GPR137C: variants seen among roughly 807,000 people sequenced by gnomAD.
GPR137C encodes integral membrane protein GPR137C.
A neutral mutation model predicts 43.4 loss-of-function variants in GPR137C; 27 were observed. That is an observed-to-expected ratio of 0.62 (90% CI 0.46 to 0.86). The LOEUF is 0.86. Among genes scored for constraint, GPR137C ranks in the 40% least tolerant of loss-of-function variants. The pLI, the probability that GPR137C is intolerant of heterozygous loss-of-function variation, is 0.00. For synonymous variants in GPR137C, 285 were observed against 226.9 expected, an observed-to-expected ratio of 1.26 and a Z score of -2.30; for missense variants, 522 against 534.6, an observed-to-expected ratio of 0.98 and a Z score of 0.23.
chr14:52,554,149 AG>A (rs2038152217), intron 1 of GPR137C, among the ~76,000 whole-genome samples: 2 of 152,208 alleles, frequency 1.3e-5, no homozygotes, highest in African/African-American at 4.8e-5. Context: ...TTCGTTCGAT[AG>A]TTCCCCAGCA....
Position 52,637,628 on chromosome 14 carries a change from G to C in GPR137C, c.*2513G>C, listed in dbSNP as rs2039367909. 1 of 152,046 alleles carries C rather than the reference G, an allele frequency of 6.6e-6. No individual in the cohort carries two copies. Among genetic ancestry groups the C allele is most frequent in the Non-Finnish European group, 1.5e-5 (1 of 68,000 alleles). The allele number at this position is 152,046 out of a possible 1,614,324, so 9.4% of individuals were successfully genotyped here. ...GTTTCAAACTGGTTGTAAAAGTATAGCTGTGGCCAATGAATGTATTTATTT... is the reference window on the plus strand; with the variant it reads ...GTTTCAAACTGGTTGTAAAAGTATACCTGTGGCCAATGAATGTATTTATTT... On this transcript the variant is annotated 3_prime_UTR_variant, in exon 7 of 7. Coordinates refer to ENST00000321662, the MANE Select transcript of GPR137C (RefSeq NM_001099652.2).
At chr14:52,598,246 A>AT (rs10719030) in intron 1 of GPR137C, 26 bp from the exon 2 acceptor site, 3,348 of 975,828 alleles carry the variant, frequency 3.4e-3, no homozygotes, top group South Asian at 5.2e-3. Context: ...CGTTTTCAAA[A>AT]TTTTTTTTTT....
chr14:52,630,048 C>G (rs546526078), intron 3 of GPR137C, among the ~76,000 whole-genome samples: 1 of 152,266 alleles, frequency 6.6e-6, no homozygotes, highest in Non-Finnish European at 1.5e-5. Context: ...ATAACACTTT[C>G]TATGTCGCTG....
chr14:52,596,485 G>A (rs939207699), intron 1 of GPR137C, among the ~76,000 whole-genome samples: 2 of 152,230 alleles, frequency 1.3e-5, no homozygotes, highest in African/African-American at 4.8e-5. Flanking sequence ...TGCCCAGTTC[G>A]AGCTTCCTGG....
intron 1 of GPR137C, among the ~76,000 whole-genome samples, chr14:52,572,393 T>C (rs971517832): frequency 6.6e-6 from 1 of 152,218 alleles, no homozygotes; most frequent in Admixed American, 6.5e-5. Flanking sequence ...AAAAAGCTTA[T>C]CCACCACAAT....
intron 1 of GPR137C, among the ~76,000 whole-genome samples, chr14:52,593,447 A>C (rs1162999885): frequency 6.6e-6 from 1 of 152,118 alleles, no homozygotes; most frequent in Non-Finnish European, 1.5e-5. Context: ...TCGGCTGTGA[A>C]TCCATCTGGT....
intron 1 of GPR137C, among the ~76,000 whole-genome samples, chr14:52,566,041 A>G (rs2038364610): frequency 6.6e-6 from 1 of 152,214 alleles, no homozygotes; most frequent in Non-Finnish European, 1.5e-5. Context: ...CTTAGTACCT[A>G]GTTCTGTGAT....
At chr14:52,577,704 T>C (rs887504978) in intron 1 of GPR137C, among the ~76,000 whole-genome samples, 2 of 151,008 alleles carry the variant, frequency 1.3e-5, no homozygotes, top group Admixed American at 1.3e-4. Flanking sequence ...GGCTCAAGCA[T>C]GTAATCCCAG....
intron 3 of GPR137C, among the ~76,000 whole-genome samples, chr14:52,630,589 A>T (rs1034581716): frequency 6.6e-6 from 1 of 152,152 alleles, no homozygotes; most frequent in African/African-American, 2.4e-5. Context: ...GTGCTCTGTT[A>T]CTATCCCAGC....
At chr14:52,590,485 T>C (rs531176688) in intron 1 of GPR137C, among the ~76,000 whole-genome samples, 1 of 152,302 alleles carries the variant, frequency 6.6e-6, no homozygotes, top group East Asian at 1.9e-4. Context: ...TACAGTAATG[T>C]CCTAGGCCTA....
intron 1 of GPR137C, among the ~76,000 whole-genome samples, chr14:52,574,115 TTGG>T (rs1268409147): frequency 2.0e-5 from 3 of 152,052 alleles, no homozygotes; most frequent in South Asian, 2.1e-4. Context: ...TTTTACACTG[TTGG>T]TGGGAGTGTA....
chr14:52,626,136 T>C (rs533751882), intron 3 of GPR137C, among the ~76,000 whole-genome samples: 36 of 152,332 alleles, frequency 2.4e-4, no homozygotes, highest in Middle Eastern at 3.4e-3. Flanking sequence ...GATGTGCACA[T>C]TATATGTAAA....
chr14:52,576,132 GC>G (rs752485217), intron 1 of GPR137C, among the ~76,000 whole-genome samples: 21 of 152,164 alleles, frequency 1.4e-4, no homozygotes, highest in Non-Finnish European at 2.4e-4. Flanking sequence ...ATGGCCCAAG[GC>G]CCCAGATAAA....
chr14:52,590,435 G>A (rs993778929), intron 1 of GPR137C, among the ~76,000 whole-genome samples: 2 of 152,126 alleles, frequency 1.3e-5, no homozygotes, highest in Non-Finnish European at 2.9e-5. Context: ...TAAATTTAGT[G>A]TAGCATAAGT....
rs1247115409 is a variant in GPR137C, at chr14:52,608,579, T to C, written c.717+8238T>C. The stretch of plus-strand genomic sequence containing the variant: ...TGTAACAATCATGTTAACAGTCTTT[T>C]TCCTGTGGTTTAAAAAAATTCCCTT... On this transcript the variant is annotated intron_variant, in intron 3 of 6. Transcript: ENST00000321662. 7.9e-5 allele frequency among the ~76,000 whole-genome samples: 12 copies of C among 152,234 alleles called. 1 individual carries two copies. Among genetic ancestry groups the C allele is most frequent in the Non-Finnish European group, 1.8e-4 (12 of 68,040 alleles).
chr14:52,617,698 C>T (rs1253741208), intron 3 of GPR137C, among the ~76,000 whole-genome samples: 2 of 151,998 alleles, frequency 1.3e-5, no homozygotes, highest in South Asian at 2.1e-4. Context: ...AACAAACAAA[C>T]AAAAAGATGG....
At chr14:52,600,411 A>G in intron 3 of GPR137C, 70 bp downstream of exon 3, 2 of 776,008 alleles carry the variant, frequency 2.6e-6, no homozygotes, top group Non-Finnish European at 4.2e-6. Flanking sequence ...TCATATTTTA[A>G]TGGAAAGTTT....
intron 3 of GPR137C, among the ~76,000 whole-genome samples, chr14:52,616,059 A>G (rs554110574): frequency 2.6e-5 from 4 of 152,316 alleles, no homozygotes; most frequent in Admixed American, 2.6e-4. Context: ...ATTTAGAGCA[A>G]TATGTTTTCT....
intron 1 of GPR137C, among the ~76,000 whole-genome samples, chr14:52,580,569 GC>G (rs1293556637): frequency 6.6e-6 from 1 of 151,738 alleles, no homozygotes; most frequent in African/African-American, 2.4e-5. Context: ...TCACCATGTT[GC>G]CCTGGGTGGT....
Sources: gnomAD v4.1 joint callset for allele counts (sites outside exome capture counted in the v4.1 genomes callset) on GRCh38, gnomAD v4.1.1 for gene constraint, MANE v1.5 for transcripts, NCBI Gene and HGNC (gene_info 2026-07-23, HGNC 2026-07-21) for gene names.